KLF16: variants seen among roughly 807,000 people sequenced by gnomAD.
The protein encoded by KLF16 is KLF transcription factor 16, also known as Krueppel-like factor 16.
KLF16 carries 6 observed loss-of-function variants against 6.1 expected under a neutral mutation model. That is an observed-to-expected ratio of 0.98 (90% CI 0.54 to 1.93). The LOEUF (loss-of-function observed/expected upper bound fraction) is 1.93, where lower values mean the gene tolerates loss of function less well. Among genes scored for constraint, KLF16 ranks in the 30% most tolerant of loss-of-function variants. The pLI is 0.01. For missense variants in KLF16, 355 were observed against 363.8 expected (o/e 0.98, Z 0.20); for synonymous variants, 211 against 176.5 (o/e 1.20, Z -1.55).
At chr19:1,865,752 T>G (rs1204017555), upstream of KLF16, among the ~76,000 whole-genome samples, 4 of 152,142 alleles carry the variant, frequency 2.6e-5, no homozygotes, top group Non-Finnish European at 5.9e-5. Context: ...AGGCTTCTAT[T>G]CACACCCCTA....
chr19:1,875,756 G>C, the KLF16 span: 1 of 152,616 alleles, frequency 6.6e-6, no homozygotes, highest in Non-Finnish European at 1.5e-5. Context: ...GATGCGGGGA[G>C]GCTCTTCGGG....
At chr19:1,871,919 G>C in the KLF16 span, among the ~76,000 whole-genome samples, 1 of 152,134 alleles carries the variant, frequency 6.6e-6, no homozygotes. Context: ...GGCAGGATCC[G>C]GCTGGCATTT....
chr19:1,867,549 G>A (rs1414555254), upstream of KLF16, among the ~76,000 whole-genome samples: 5 of 152,106 alleles, frequency 3.3e-5, no homozygotes, highest in Admixed American at 2.6e-4. Context: ...CTGGGCAACA[G>A]AGCGAGATCC....
the KLF16 span, among the ~76,000 whole-genome samples, chr19:1,869,750 G>C: frequency 6.6e-6 from 1 of 152,000 alleles, no homozygotes; most frequent in East Asian, 1.9e-4. Context: ...GGAACCACAG[G>C]TGCACACCGC....
At chr19:1,863,894 C>A (rs2012132512), upstream of KLF16, among the ~76,000 whole-genome samples, 2 of 148,718 alleles carry the variant, frequency 1.3e-5, no homozygotes, top group African/African-American at 2.4e-5. Flanking sequence ...CTTCTCCGCG[C>A]TAGGGTGCAA....
chr19:1,859,594 C>T (rs1450671178), intron 1 of KLF16, among the ~76,000 whole-genome samples: 1 of 152,102 alleles, frequency 6.6e-6, no homozygotes, highest in African/African-American at 2.4e-5. Context: ...ACCCCAGAGC[C>T]AGCACGCCCT....
chr19:1,865,912 C>T (rs2012181627), upstream of KLF16, among the ~76,000 whole-genome samples: 1 of 152,220 alleles, frequency 6.6e-6, no homozygotes, highest in South Asian at 2.1e-4. Flanking sequence ...GCCTGGAATG[C>T]CAGCACTTTG....
chr19:1,859,106 C>G (rs1454869606), intron 1 of KLF16, among the ~76,000 whole-genome samples: 1 of 150,850 alleles, frequency 6.6e-6, no homozygotes, highest in Admixed American at 6.6e-5. Context: ...CCTGGCACTG[C>G]CCCACTCCGA....
chr19:1,870,105 T>C, the KLF16 span, among the ~76,000 whole-genome samples: 1 of 151,404 alleles, frequency 6.6e-6, no homozygotes, highest in Admixed American at 6.6e-5. Context: ...GCTAATTTTG[T>C]ATTTTTAGTA....
chr19:1,862,622 G>A lies in KLF16; in HGVS notation c.457+419C>T, dbSNP rs577518407. ...ACGCGGTTCCTCCTCCATTTTCACAGATAAGGAAACTGAGGCTGGGGGAGG... is the reference window on the plus strand; with the variant it reads ...ACGCGGTTCCTCCTCCATTTTCACAAATAAGGAAACTGAGGCTGGGGGAGG... On this transcript the variant is annotated intron_variant, in intron 1 of 1. Coordinates refer to ENST00000250916, the MANE Select transcript of KLF16 (RefSeq NM_031918.4). Among the ~76,000 whole-genome samples the A allele has an allele frequency of 4.6e-5, 7 of 150,854 alleles. No homozygotes were observed. In the East Asian group the frequency reaches 8.0e-4, roughly 17 times the overall value.
At chr19:1,874,746 C>CAAAAAAAAAAAAAAAAAAA in the KLF16 span, 1 of 41,976 alleles carries the variant, frequency 2.4e-5, no homozygotes, top group Non-Finnish European at 4.6e-5. Flanking sequence ...GTCAGAGTCC[C>CAAAAAAAAAAAAAAAAAAA]AAAAAAAAAA....
chr19:1,863,944 G>C (rs1249486156), upstream of KLF16, among the ~76,000 whole-genome samples: 3 of 134,932 alleles, frequency 2.2e-5, no homozygotes, highest in African/African-American at 8.3e-5. Flanking sequence ...CCCCACTCCA[G>C]CGCGCGCCCC....
the KLF16 span, among the ~76,000 whole-genome samples, chr19:1,869,159 C>T: frequency 6.6e-6 from 1 of 152,182 alleles, no homozygotes; most frequent in Non-Finnish European, 1.5e-5. Flanking sequence ...CGGGGTTTCA[C>T]TGTCAGAGCT....
At chr19:1,864,242 C>T (rs1051232346), upstream of KLF16, among the ~76,000 whole-genome samples, 3 of 150,760 alleles carry the variant, frequency 2.0e-5, no homozygotes, top group Non-Finnish European at 4.4e-5. Flanking sequence ...TGGAGGGGTG[C>T]GGAAGCGGCC....
chr19:1,866,797 A>AGTT (rs1204862669), upstream of KLF16, among the ~76,000 whole-genome samples: 1 of 127,268 alleles, frequency 7.9e-6, no homozygotes, highest in African/African-American at 2.9e-5. Context: ...AAAAAAAAGG[A>AGTT]GTTGTCATTC....
chr19:1,856,245 G>C (rs566294160), intron 1 of KLF16, among the ~76,000 whole-genome samples: 4 of 152,226 alleles, frequency 2.6e-5, no homozygotes, highest in African/African-American at 9.6e-5. Flanking sequence ...TCTAAGATCA[G>C]GGGCTGCCCT....
intron 1 of KLF16, among the ~76,000 whole-genome samples, chr19:1,855,105 C>A (rs1264290035): frequency 6.6e-6 from 1 of 152,174 alleles, no homozygotes; most frequent in Non-Finnish European, 1.5e-5. Context: ...GGGACCCTGG[C>A]AGGGATTAGC....
chr19:1,860,164 G>A (rs1667355023), intron 1 of KLF16: 1 of 151,768 alleles, frequency 6.6e-6, no homozygotes, highest in South Asian at 2.1e-4. Flanking sequence ...GGAGAGCAGG[G>A]AGCCGACAGC....
intron 1 of KLF16, chr19:1,861,748 C>T (rs1433393791): frequency 6.6e-6 from 1 of 152,316 alleles, no homozygotes; most frequent in Non-Finnish European, 1.5e-5. Context: ...CCCCACCCGC[C>T]CTCCTGCTCT....
Sources: allele counts gnomAD v4.1 joint callset (sites outside exome capture counted in the v4.1 genomes callset), GRCh38; gene constraint gnomAD v4.1.1; transcripts MANE v1.5; gene names NCBI Gene and HGNC (gene_info 2026-07-23, HGNC 2026-07-21).